RBFOX1: variants seen among roughly 807,000 people sequenced by gnomAD.
RBFOX1 encodes RNA binding protein fox-1 homolog 1.
A neutral mutation model predicts 57.7 loss-of-function variants in RBFOX1; 8 were observed. That is an observed-to-expected ratio of 0.14 (90% CI 0.08 to 0.25). RBFOX1 has a LOEUF of 0.25. Among genes scored for constraint, RBFOX1 ranks in the 10% least tolerant of loss-of-function variants. The probability of loss-of-function intolerance (pLI) is 1.00; values close to 1 mark genes in which losing one functional copy is unlikely to be tolerated. For missense variants in RBFOX1, 611 were observed against 548.5 expected (o/e 1.11, Z -1.14); for synonymous variants, 326 against 222.4 (o/e 1.47, Z -4.15).
intron 1 of RBFOX1, among the ~76,000 whole-genome samples, chr16:6,191,789 C>T (rs1292897858): frequency 6.6e-6 from 1 of 152,078 alleles, no homozygotes; most frequent in African/African-American, 2.4e-5. Context: ...GGAAGTTCAC[C>T]ACAGAGCTTT....
At chr16:7,084,802 C>T (rs536197427) in intron 4 of RBFOX1, among the ~76,000 whole-genome samples, 2 of 152,220 alleles carry the variant, frequency 1.3e-5, no homozygotes, top group East Asian at 3.9e-4. Context: ...TTCATATTCC[C>T]CCCTCTCTCA....
At chr16:7,367,240 C>G (rs752550855) in intron 4 of RBFOX1, among the ~76,000 whole-genome samples, 1 of 152,118 alleles carries the variant, frequency 6.6e-6, no homozygotes, top group Non-Finnish European at 1.5e-5. Flanking sequence ...GACTGTAAAT[C>G]AGCACAAAGT....
At chr16:5,899,722 A>T (rs1005181398) in intron 4 of RBFOX1, among the ~76,000 whole-genome samples, 2 of 152,196 alleles carry the variant, frequency 1.3e-5, no homozygotes, top group African/African-American at 4.8e-5. Flanking sequence ...GGAAGATTCC[A>T]ACCCGCCTGG....
rs147657904 is a variant in RBFOX1 at position 5,836,651 on chromosome 16, T to G, written c.319-30652T>G. ...TCTCAAACTTTGCACTGTGGACGTTTGGGGGCTGGGTTATTCTTTGTTGCG... is the reference window on the plus strand; with the variant it reads ...TCTCAAACTTTGCACTGTGGACGTTGGGGGGCTGGGTTATTCTTTGTTGCG... On this transcript the variant is annotated intron_variant, in intron 3 of 19. Transcript: ENST00000641259. 7.2e-3 allele frequency among the ~76,000 whole-genome samples: 1,091 copies of G among 152,294 alleles called. 6 individuals carry two copies. Among genetic ancestry groups the G allele is most frequent in the Non-Finnish European group, 0.012 (796 of 68,022 alleles).
intron 1 of RBFOX1, among the ~76,000 whole-genome samples, chr16:6,145,926 G>A (rs1326230327): frequency 2.0e-5 from 3 of 152,144 alleles, no homozygotes; most frequent in Middle Eastern, 3.2e-3. Flanking sequence ...CCTGACTGAG[G>A]ATGAATTTGC....
At chr16:6,590,621 C>A (rs1178567108) in intron 2 of RBFOX1, among the ~76,000 whole-genome samples, 1 of 152,132 alleles carries the variant, frequency 6.6e-6, no homozygotes, top group East Asian at 1.9e-4. Context: ...GCTAAATTGG[C>A]TTCATGGGGC....
At chr16:5,951,254 C>G (rs554028300) in intron 4 of RBFOX1, among the ~76,000 whole-genome samples, 47 of 152,190 alleles carry the variant, frequency 3.1e-4, no homozygotes, top group Admixed American at 1.7e-3. Context: ...TTGAGACCAG[C>G]CTGGAGAACA....
chr16:6,622,919 A>T (rs967828673), intron 2 of RBFOX1, among the ~76,000 whole-genome samples: 1 of 152,208 alleles, frequency 6.6e-6, no homozygotes, highest in African/African-American at 2.4e-5. Flanking sequence ...TCAGAATGCT[A>T]GTTAATGCAC....
At chr16:7,330,392 T>G (rs1421290029) in intron 4 of RBFOX1, among the ~76,000 whole-genome samples, 2 of 148,232 alleles carry the variant, frequency 1.3e-5, no homozygotes, top group Non-Finnish European at 3.0e-5. Context: ...GCAGAGGTTT[T>G]TTTTTTTTTT....
At chr16:7,464,503 C>T (rs1354694557) in intron 4 of RBFOX1, among the ~76,000 whole-genome samples, 4 of 151,930 alleles carry the variant, frequency 2.6e-5, no homozygotes, top group African/African-American at 9.7e-5. Context: ...GTTGCCAAGG[C>T]CTATTGGACC....
chr16:5,816,161 C>T (rs1173828082), intron 3 of RBFOX1, among the ~76,000 whole-genome samples: 1 of 152,174 alleles, frequency 6.6e-6, no homozygotes, highest in Admixed American at 6.5e-5. Context: ...CCAGTGGCTC[C>T]TTAAAGATGC....
intron 3 of RBFOX1, among the ~76,000 whole-genome samples, chr16:5,815,857 G>T (rs1005962730): frequency 6.6e-6 from 1 of 152,192 alleles, no homozygotes; most frequent in African/African-American, 2.4e-5. Flanking sequence ...GAACTCAGAT[G>T]GGGGCAGGGG....
intron 5 of RBFOX1, among the ~76,000 whole-genome samples, chr16:7,545,793 G>C (rs1256419577): frequency 5.9e-5 from 9 of 152,084 alleles, no homozygotes; most frequent in East Asian, 1.9e-4. Context: ...TTGGGTCTCA[G>C]CTCTGCCATT....
chr16:7,198,626 C>T (rs534881243), intron 4 of RBFOX1, among the ~76,000 whole-genome samples: 8 of 152,234 alleles, frequency 5.3e-5, no homozygotes, highest in African/African-American at 1.9e-4. Flanking sequence ...CATGGGCTTT[C>T]CTGCTCCTCC....
intron 3 of RBFOX1, chr16:6,774,107 T>C (rs2078927198): frequency 2.9e-6 from 2 of 690,746 alleles, no homozygotes; most frequent in Non-Finnish European, 3.6e-6. Flanking sequence ...AATTGGACTT[T>C]TTGTAAAATA....
At chr16:7,070,548 G>C (rs1332608566) in intron 4 of RBFOX1, among the ~76,000 whole-genome samples, 1 of 152,172 alleles carries the variant, frequency 6.6e-6, no homozygotes, top group Non-Finnish European at 1.5e-5. Context: ...TTTTATAGAT[G>C]TCTGAATTAA....
chr16:5,922,080 G>C (rs1253540319), intron 4 of RBFOX1, among the ~76,000 whole-genome samples: 1 of 152,124 alleles, frequency 6.6e-6, no homozygotes, highest in Non-Finnish European at 1.5e-5. Context: ...AGGATCACTT[G>C]AGTCCAGGAG....
intron 2 of RBFOX1, among the ~76,000 whole-genome samples, chr16:5,499,778 G>T (rs1465982898): frequency 6.6e-6 from 1 of 152,012 alleles, no homozygotes; most frequent in Non-Finnish European, 1.5e-5. Context: ...TCACCATGTT[G>T]GCCAGGCTGG....
chr16:7,699,326 G>A (rs2079872528), intron 14 of RBFOX1, among the ~76,000 whole-genome samples: 1 of 152,090 alleles, frequency 6.6e-6, no homozygotes, highest in Non-Finnish European at 1.5e-5. Flanking sequence ...CTAGTAGCTG[G>A]GAGTACAGGC....
Sources: gnomAD v4.1 joint callset for allele counts (sites outside exome capture counted in the v4.1 genomes callset) on GRCh38, gnomAD v4.1.1 for gene constraint, MANE v1.5 for transcripts, NCBI Gene and HGNC (gene_info 2026-07-23, HGNC 2026-07-21) for gene names.